The following SCNN1G variants were observed in gnomAD, a reference collection of about 807,000 sequenced individuals.
SCNN1G encodes the protein epithelial sodium channel subunit gamma.
A neutral mutation model predicts 64.6 loss-of-function variants in SCNN1G; 27 were observed. That is an observed-to-expected ratio of 0.42 (90% CI 0.31 to 0.58). SCNN1G has a LOEUF of 0.58. SCNN1G is among the 20% of genes least tolerant of loss of function. The pLI, the probability that SCNN1G is intolerant of heterozygous loss-of-function variation, is 0.18. For missense variants in SCNN1G, 743 were observed against 823.4 expected, an observed-to-expected ratio of 0.90 and a Z score of 1.19; for synonymous variants, 330 against 314.2, an observed-to-expected ratio of 1.05 and a Z score of -0.53.
intron 3 of SCNN1G, among the ~76,000 whole-genome samples, chr16:23,191,440 T>C (rs1952743450): frequency 6.6e-6 from 1 of 152,210 alleles, no homozygotes; most frequent in African/African-American, 2.4e-5. Context: ...TGTTTGTTTG[T>C]TTGTTTTAGA....
At chr16:23,185,242 A>C (rs2141926501) in intron 1 of SCNN1G, among the ~76,000 whole-genome samples, 1 of 152,380 alleles carries the variant, frequency 6.6e-6, no homozygotes, top group Admixed American at 6.5e-5. Flanking sequence ...GGAATTATTG[A>C]AACACAAAAG....
chr16:23,213,266 T>TC (rs1310784586), intron 11 of SCNN1G, 103 bp downstream of exon 11: 1 of 826,006 alleles, frequency 1.2e-6, no homozygotes, highest in East Asian at 2.5e-5. Flanking sequence ...TTTTTTTTTT[T>TC]TTTTTTTATG....
chr16:23,203,268 G>A (rs1333201604), intron 6 of SCNN1G, among the ~76,000 whole-genome samples: 2 of 152,190 alleles, frequency 1.3e-5, no homozygotes, highest in Non-Finnish European at 2.9e-5. Flanking sequence ...AGTGGAAGGA[G>A]TGGAACAGAA....
chr16:23,214,876 G>T, intron 12 of SCNN1G, 89 bp downstream of exon 12: 11 of 1,218,992 alleles, frequency 9.0e-6, no homozygotes, highest in Non-Finnish European at 1.2e-5. Flanking sequence ...CAGGGTAGGG[G>T]GTTCCAGCCT....
Position 23,201,529 on chromosome 16 carries a change from C to CAA in SCNN1G, c.1077+4112_1077+4113dup, listed in dbSNP as rs796312054. On this transcript the variant is annotated intron_variant, in intron 6 of 12. Transcript: ENST00000300061. ...GATTTATGAGCATTTAGAACAACAA[C>CAA]AAAAAAAAAAACAGGGTTTATGAAG... Among the ~76,000 whole-genome samples the CAA allele has an allele frequency of 1.7e-3, 215 of 130,034 alleles. 1 individual carries two copies. The highest frequency in any genetic ancestry group is 4.6e-3 in the African/African-American group (176 of 38,022). The allele number at this position is 130,034 out of a possible 152,430, so 85.3% of individuals were successfully genotyped here. A position where few individuals can be genotyped will look rare whatever the true frequency, so the allele number is the denominator to read the frequency against.
chr16:23,193,069 C>CAA (rs56318076), intron 4 of SCNN1G, among the ~76,000 whole-genome samples: 1,401 of 68,902 alleles, frequency 0.02, 115 homozygotes, highest in East Asian at 0.12. Flanking sequence ...ACTCTTGTCT[C>CAA]AAAAAAAAAA....
chr16:23,186,297 C>T lies in SCNN1G; in HGVS notation c.26C>T (p.Ala9Val). MAPGEKIKAKIKKNLPVTG... is the reference protein window; with the variant it reads MAPGEKIKVKIKKNLPVTG... Reference sequence around the variant, plus strand: ...ATGGCACCCGGAGAGAAGATCAAAGCCAAAATCAAGAAGAATCTGCCCGTG... The same window carrying T: ...ATGGCACCCGGAGAGAAGATCAAAGTCAAAATCAAGAAGAATCTGCCCGTG... Residue 9 changes from alanine (A) to valine (V), a missense_variant, in exon 2 of 13, where the codon GCC becomes GTC. Ala to Val is a moderately conservative substitution (Grantham distance 64, BLOSUM62 0). Transcript: ENST00000300061. 2 of 1,614,256 alleles carry T rather than the reference C, an allele frequency of 1.2e-6. No homozygotes were observed. The highest frequency in any genetic ancestry group is 1.7e-6 in the Non-Finnish European group (2 of 1,180,054).
At chr16:23,210,573 T>C (rs1289598456) in intron 7 of SCNN1G, among the ~76,000 whole-genome samples, 1 of 152,336 alleles carries the variant, frequency 6.6e-6, no homozygotes, top group East Asian at 1.9e-4. Flanking sequence ...TGATCTGTTC[T>C]GCCTCCTCTC....
intron 6 of SCNN1G, among the ~76,000 whole-genome samples, chr16:23,205,614 G>A (rs1959976614): frequency 6.6e-6 from 1 of 151,754 alleles, no homozygotes; most frequent in African/African-American, 2.4e-5. Context: ...GCATGAGAAT[G>A]GCTTACACCC....
chr16:23,215,028 C>T, intron 12 of SCNN1G, 61 bp from the exon 13 acceptor site: 1 of 1,603,804 alleles, frequency 6.2e-7, no homozygotes, highest in South Asian at 1.1e-5. Context: ...ATCAGGGTTC[C>T]TGTGTGAGGC....
At chr16:23,189,066 TCAC>T (rs1274451572) in intron 2 of SCNN1G, among the ~76,000 whole-genome samples, 6 of 152,044 alleles carry the variant, frequency 3.9e-5, no homozygotes, top group Admixed American at 1.3e-4. Context: ...CACCTGACAG[TCAC>T]CACTACAGAA....
chr16:23,196,178 C>T (rs1596767145), intron 5 of SCNN1G, among the ~76,000 whole-genome samples: 1 of 151,968 alleles, frequency 6.6e-6, no homozygotes, highest in Non-Finnish European at 1.5e-5. Flanking sequence ...GATAAGAAGG[C>T]CCAGAAAGAT....
rs188624957 is a variant in SCNN1G at position 23,196,272 on chromosome 16, G to A, written c.914-992G>A. On this transcript the variant is annotated intron_variant, in intron 5 of 12. Coordinates refer to ENST00000300061, the MANE Select transcript of SCNN1G (RefSeq NM_001039.4). ...ATTCCAGGGACTAGCAAGGGCAAAGGCCCTGGGAAGGATGTGAATCAGATG... is the reference window on the plus strand; with the variant it reads ...ATTCCAGGGACTAGCAAGGGCAAAGACCCTGGGAAGGATGTGAATCAGATG... 404 of 152,326 alleles carry A rather than the reference G, an allele frequency of 2.7e-3. 1 individual carries two copies. The highest frequency in any genetic ancestry group is 9.0e-3 in the African/African-American group (376 of 41,572). The allele number at this position is 152,326 out of a possible 1,614,324, so 9.4% of individuals were successfully genotyped here. A position where few individuals can be genotyped will look rare whatever the true frequency, so the allele number is the denominator to read the frequency against.
chr16:23,215,655 T>C lies in SCNN1G; in HGVS notation c.*186T>C. 1.5e-6 allele frequency: 1 copy of C among 659,722 alleles called. No homozygotes were observed. The highest frequency in any genetic ancestry group is 1.8e-5 in the South Asian group (1 of 55,762). The allele number at this position is 659,722 out of a possible 1,614,324, so 40.9% of individuals were successfully genotyped here. ...GGCATGCGCAGGAGGAGCCATCGGGTACTACGCAGCAACACTCACAACTGT... is the reference window on the plus strand; with the variant it reads ...GGCATGCGCAGGAGGAGCCATCGGGCACTACGCAGCAACACTCACAACTGT... On this transcript the variant is annotated 3_prime_UTR_variant, in exon 13 of 13. Coordinates refer to ENST00000300061, the MANE Select transcript of SCNN1G (RefSeq NM_001039.4).
At chr16:23,192,307 C>T (rs920468676) in intron 3 of SCNN1G, 45 bp from the exon 4 acceptor site, 4 of 1,466,078 alleles carry the variant, frequency 2.7e-6, no homozygotes, top group Middle Eastern at 1.9e-4. Context: ...TGAAGAGTAG[C>T]GATAGGACCG....
chr16:23,183,673 G>A (rs1693823077), intron 1 of SCNN1G, among the ~76,000 whole-genome samples: 1 of 151,242 alleles, frequency 6.6e-6, no homozygotes, highest in African/African-American at 2.4e-5. Flanking sequence ...TCTGTGAAAT[G>A]GGCCAAGTAA....
At chr16:23,207,489 C>T (rs1397416506) in intron 6 of SCNN1G, among the ~76,000 whole-genome samples, 1 of 152,254 alleles carries the variant, frequency 6.6e-6, no homozygotes, top group African/African-American at 2.4e-5. Flanking sequence ...CCCTGGTGTG[C>T]ACTAGAGGCC....
chr16:23,195,158 T>C (rs988383984), intron 5 of SCNN1G: 1 of 152,050 alleles, frequency 6.6e-6, no homozygotes, highest in African/African-American at 2.4e-5. Flanking sequence ...TAATATCCCT[T>C]TGGGGGTTAG....
In SCNN1G at chr16:23,197,162, C is replaced by G. The variant is rs560841719; in HGVS notation, c.914-102C>G. On this transcript the variant is annotated intron_variant, in intron 5 of 12. Coordinates refer to ENST00000300061, the MANE Select transcript of SCNN1G (RefSeq NM_001039.4). Reference sequence around the variant, plus strand: ...TCCACCTGTCACTTGCTAGAAATACCTGGTCTTGGGTTTGAAGCTCCTGAA... The same window carrying G: ...TCCACCTGTCACTTGCTAGAAATACGTGGTCTTGGGTTTGAAGCTCCTGAA... The G allele has an allele frequency of 1.7e-5, 16 of 937,854 alleles. No homozygotes were observed. In the South Asian group the frequency reaches 2.2e-4, roughly 13 times the overall value. 58.1% of individuals were successfully genotyped at this position (937,854 alleles called of 1,614,324 possible).
Sources: gnomAD v4.1 joint callset for allele counts (sites outside exome capture counted in the v4.1 genomes callset) on GRCh38, gnomAD v4.1.1 for gene constraint, MANE v1.5 for transcripts, NCBI Gene and HGNC (gene_info 2026-07-23, HGNC 2026-07-21) for gene names.